DAPL1: variants seen among roughly 807,000 people sequenced by gnomAD.
DAPL1 encodes death associated protein like 1, also known as death-associated protein-like 1.
A neutral mutation model predicts 12.9 loss-of-function variants in DAPL1; 17 were observed. The observed-to-expected ratio is 1.32, with a 90% confidence interval of 0.90 to 1.98. DAPL1 has a LOEUF of 1.98. Among genes scored for constraint, DAPL1 ranks in the 30% most tolerant of loss-of-function variants. The pLI is 0.00. For synonymous variants in DAPL1, 51 were observed against 42.0 expected (o/e 1.21, Z -0.82); for missense variants, 157 against 125.7 (o/e 1.25, Z -1.19).
chr2:158,810,663 C>T (rs1366561986), intron 3 of DAPL1, among the ~76,000 whole-genome samples: 1 of 152,220 alleles, frequency 6.6e-6, no homozygotes, highest in African/African-American at 2.4e-5. Flanking sequence ...CCTCTCCCCT[C>T]CACACAGCCT....
chr2:158,795,569 C>T (rs1323728549), intron 1 of DAPL1, 139 bp downstream of exon 1: 9 of 806,282 alleles, frequency 1.1e-5, no homozygotes, highest in Non-Finnish European at 1.8e-5. Flanking sequence ...CTGACTTCCT[C>T]TTATGTCTTT....
chr2:158,812,572 T>C (rs2059236637), intron 3 of DAPL1, among the ~76,000 whole-genome samples: 1 of 152,120 alleles, frequency 6.6e-6, no homozygotes, highest in Non-Finnish European at 1.5e-5. Context: ...GGCAGGAGAA[T>C]TGCTTGAGCT....
intron 2 of DAPL1, 151 bp downstream of exon 2, chr2:158,804,520 A>C (rs1175094111): frequency 1.1e-5 from 5 of 472,722 alleles, no homozygotes; most frequent in Non-Finnish European, 1.6e-5. Context: ...GTGGTGACTT[A>C]GGGTGAGGGG....
intron 1 of DAPL1, among the ~76,000 whole-genome samples, chr2:158,801,257 T>A (rs944524513): frequency 7.9e-5 from 12 of 152,264 alleles, no homozygotes; most frequent in African/African-American, 2.6e-4. Flanking sequence ...AAAGGAACAC[T>A]AACAAGAAAA....
intron 1 of DAPL1, among the ~76,000 whole-genome samples, chr2:158,796,663 A>T (rs2059136228): frequency 6.6e-6 from 1 of 152,188 alleles, no homozygotes; most frequent in Admixed American, 6.5e-5. Flanking sequence ...TTCCACTCCA[A>T]CCCTTCATAA....
At chr2:158,804,615 C>A (rs1230760556) in intron 2 of DAPL1, among the ~76,000 whole-genome samples, 2 of 152,186 alleles carry the variant, frequency 1.3e-5, no homozygotes, top group African/African-American at 4.8e-5. Flanking sequence ...CTCCTGTCTG[C>A]ATCCAGCCCA....
chr2:158,815,367 T>C (rs2059254285), intron 3 of DAPL1, among the ~76,000 whole-genome samples: 1 of 152,246 alleles, frequency 6.6e-6, no homozygotes, highest in Non-Finnish European at 1.5e-5. Context: ...AATGTCCCTG[T>C]AGCCTTCTTA....
intron 3 of DAPL1, among the ~76,000 whole-genome samples, chr2:158,814,023 T>C (rs1330784935): frequency 6.6e-6 from 1 of 152,234 alleles, no homozygotes; most frequent in Non-Finnish European, 1.5e-5. Flanking sequence ...TTTGTTTGCC[T>C]TCTCACCCAC....
rs564394079 is a variant in DAPL1 at position 158,810,034 on chromosome 2, A to T, written c.207+2919A>T. On this transcript the variant is annotated intron_variant, in intron 3 of 3. Transcript: ENST00000309950. ...AATTTGGGGGAATGATGGGATGGTT[A>T]CTCATCTTGATTGTGGTTGTAGTCA... is the stretch of plus-strand genomic sequence containing the variant. 1.2e-4 allele frequency among the ~76,000 whole-genome samples: 19 copies of T among 152,248 alleles called. No homozygotes were observed. The South Asian group carries it at 3.1e-3, about 25-fold the overall frequency.
chr2:158,797,595 C>A (rs1164929179), intron 1 of DAPL1, among the ~76,000 whole-genome samples: 1 of 152,234 alleles, frequency 6.6e-6, no homozygotes, highest in East Asian at 1.9e-4. Context: ...AGTTCAAGAC[C>A]AGCCTGGCCA....
At chr2:158,801,297 C>T (rs1452785594) in intron 1 of DAPL1, among the ~76,000 whole-genome samples, 1 of 152,144 alleles carries the variant, frequency 6.6e-6, no homozygotes, top group Non-Finnish European at 1.5e-5. Context: ...ATGAAAGGCA[C>T]TTGTCATAAG....
intron 1 of DAPL1, among the ~76,000 whole-genome samples, chr2:158,800,480 T>C (rs1205533838): frequency 6.6e-6 from 1 of 152,222 alleles, no homozygotes; most frequent in Non-Finnish European, 1.5e-5. Context: ...CAGGTTCTTA[T>C]GTCACCTCTA....
chr2:158,798,350 T>C (rs939807764), intron 1 of DAPL1, among the ~76,000 whole-genome samples: 2 of 152,166 alleles, frequency 1.3e-5, no homozygotes, highest in Non-Finnish European at 2.9e-5. Context: ...CCTCACACAC[T>C]CCAAAGGCTT....
chr2:158,796,633 C>T (rs756245881), intron 1 of DAPL1, among the ~76,000 whole-genome samples: 2 of 152,186 alleles, frequency 1.3e-5, no homozygotes, highest in Non-Finnish European at 2.9e-5. Context: ...GAAAAAAGAA[C>T]TCCATTCTCA....
intron 3 of DAPL1, among the ~76,000 whole-genome samples, chr2:158,811,188 G>T (rs1390511674): frequency 6.6e-6 from 1 of 152,180 alleles, no homozygotes; most frequent in Non-Finnish European, 1.5e-5. Flanking sequence ...CACTGCCAAA[G>T]CCAGTGAGAT....
chr2:158,809,263 C>G (rs891849081), intron 3 of DAPL1, among the ~76,000 whole-genome samples: 4 of 144,322 alleles, frequency 2.8e-5, no homozygotes, highest in African/African-American at 1.0e-4. Flanking sequence ...GAGGCTGAGG[C>G]AGGAGAATTG....
intron 3 of DAPL1, among the ~76,000 whole-genome samples, chr2:158,814,888 A>G (rs1426926894): frequency 1.3e-5 from 2 of 152,162 alleles, no homozygotes; most frequent in Non-Finnish European, 2.9e-5. Context: ...CTTGGAAACC[A>G]AGAACTAGCA....
chr2:158,798,404 G>A (rs1057509109), intron 1 of DAPL1, among the ~76,000 whole-genome samples: 2 of 152,204 alleles, frequency 1.3e-5, no homozygotes, highest in Non-Finnish European at 2.9e-5. Context: ...GGGGGCATTG[G>A]AACAGGACAG....
chr2:158,804,466 T>G, intron 2 of DAPL1, 97 bp downstream of exon 2: 7 of 778,054 alleles, frequency 9.0e-6, no homozygotes, highest in South Asian at 6.9e-5. Flanking sequence ...CCTATGCCTT[T>G]GGAGGCAGCC....
Sources: allele counts gnomAD v4.1 joint callset (sites outside exome capture counted in the v4.1 genomes callset), GRCh38; gene constraint gnomAD v4.1.1; transcripts MANE v1.5; gene names NCBI Gene and HGNC (gene_info 2026-07-23, HGNC 2026-07-21).